ARMH3: variants seen among roughly 807,000 people sequenced by gnomAD.
ARMH3 encodes armadillo-like helical domain-containing protein 3.
Under a neutral mutation model 99.1 loss-of-function variants are expected in ARMH3, and 60 were observed. That is an observed-to-expected ratio of 0.61 (90% CI 0.49 to 0.75). The LOEUF (loss-of-function observed/expected upper bound fraction) is 0.75. ARMH3 is among the 30% of genes least tolerant of loss of function. The pLI, the probability that ARMH3 is intolerant of heterozygous loss-of-function variation, is 0.00. For synonymous variants in ARMH3, 285 were observed against 292.8 expected (o/e 0.97, Z 0.27); for missense variants, 679 against 843.1 (o/e 0.81, Z 2.41).
intron 22 of ARMH3, among the ~76,000 whole-genome samples, chr10:101,951,630 G>A (rs1031223670): frequency 6.6e-6 from 1 of 152,084 alleles, no homozygotes; most frequent in Non-Finnish European, 1.5e-5. Context: ...ACTTTGGGAG[G>A]CTGAGGAGGG....
chr10:102,045,839 A>C (rs1438081493), intron 1 of ARMH3, among the ~76,000 whole-genome samples: 1 of 152,190 alleles, frequency 6.6e-6, no homozygotes, highest in African/African-American at 2.4e-5. Flanking sequence ...TCACACCTGT[A>C]ATCCCAGCAC....
At chr10:101,898,200 A>T (rs9325504) in intron 23 of ARMH3, among the ~76,000 whole-genome samples, 107,586 of 150,444 alleles carry the variant, frequency 0.72, 39,798 homozygotes, top group African/African-American at 0.92. Flanking sequence ...TTTTTTTTTT[A>T]AAATTAGCTG....
intron 4 of ARMH3, among the ~76,000 whole-genome samples, chr10:102,031,947 C>T (rs1186175142): frequency 1.3e-5 from 2 of 152,114 alleles, no homozygotes; most frequent in African/African-American, 4.8e-5. Context: ...CCCCTGTTAG[C>T]CAGGATGGTC....
chr10:102,016,593 T>C (rs906751293), intron 8 of ARMH3, among the ~76,000 whole-genome samples: 3 of 152,228 alleles, frequency 2.0e-5, no homozygotes, highest in African/African-American at 7.2e-5. Context: ...CTGAGAAATG[T>C]CATGCTCTAG....
At chr10:101,925,443 A>G (rs1322653516) in intron 23 of ARMH3, among the ~76,000 whole-genome samples, 1 of 152,248 alleles carries the variant, frequency 6.6e-6, no homozygotes, top group Non-Finnish European at 1.5e-5. Context: ...GCATATGAAG[A>G]ATAGCTGAGA....
intron 23 of ARMH3, among the ~76,000 whole-genome samples, chr10:101,932,635 A>G (rs757098975): frequency 6.6e-5 from 10 of 152,252 alleles, no homozygotes; most frequent in Non-Finnish European, 1.0e-4. Context: ...TGAGAATATT[A>G]TATTAGGCAA....
chr10:101,908,073 C>T (rs1263932920), intron 23 of ARMH3, among the ~76,000 whole-genome samples: 2 of 151,872 alleles, frequency 1.3e-5, no homozygotes, highest in Non-Finnish European at 2.9e-5. Flanking sequence ...ATGGCCAGTG[C>T]AACTAAAGAA....
chr10:102,023,237 A>C (rs1251652043), intron 8 of ARMH3, among the ~76,000 whole-genome samples: 1 of 152,078 alleles, frequency 6.6e-6, no homozygotes, highest in Non-Finnish European at 1.5e-5. Context: ...CTGGTATGGG[A>C]ATCACTACAT....
Position 101,849,605 on chromosome 10 carries a change from G to A in ARMH3, c.1977+171C>T, listed in dbSNP as rs140620050. On this transcript the variant is annotated intron_variant, in intron 25 of 25. Coordinates refer to ENST00000370033, the MANE Select transcript of ARMH3 (RefSeq NM_024541.3). ...AAGGAGAAGTAGGCAATACTACCTC[G>A]AATAGCATCTTCTCTTACTGCCTGG... is the stretch of plus-strand genomic sequence containing the variant. Among the ~76,000 whole-genome samples the A allele has an allele frequency of 9.2e-5, 14 of 152,270 alleles. No individual in the cohort carries two copies. In the East Asian group the frequency reaches 1.2e-3, roughly 13 times the overall value.
chr10:101,947,411 G>C (rs941041235), intron 22 of ARMH3, among the ~76,000 whole-genome samples: 1 of 151,670 alleles, frequency 6.6e-6, no homozygotes, highest in Admixed American at 6.6e-5. Context: ...GAGGCAGGAG[G>C]ATCACTTGAG....
chr10:102,000,233 G>C (rs945788881), intron 15 of ARMH3, among the ~76,000 whole-genome samples: 1 of 152,056 alleles, frequency 6.6e-6, no homozygotes, highest in Non-Finnish European at 1.5e-5. Flanking sequence ...CTGTATACTA[G>C]AATTTTTTCA....
intron 22 of ARMH3, among the ~76,000 whole-genome samples, chr10:101,956,039 CCCTATT>C (rs1845021577): frequency 6.6e-6 from 1 of 152,002 alleles, no homozygotes; most frequent in Admixed American, 6.6e-5. Flanking sequence ...TTAACTAGGC[CCCTATT>C]CCAAACTTAT....
chr10:102,012,798 T>C (rs1265975655), intron 10 of ARMH3, 35 bp downstream of exon 10: 6 of 1,580,490 alleles, frequency 3.8e-6, no homozygotes, highest in Non-Finnish European at 5.2e-6. Flanking sequence ...CAAATGAAAA[T>C]CAGACCCCCT....
intron 24 of ARMH3, among the ~76,000 whole-genome samples, chr10:101,868,268 C>G (rs2067051732): frequency 6.6e-6 from 1 of 152,178 alleles, no homozygotes. Flanking sequence ...AGCCAAGAAA[C>G]AAATTGACAT....
Position 101,956,737 on chromosome 10 carries a change from A to G in ARMH3, c.1579-14T>C, listed in dbSNP as rs752710792. ...TAGGTTCACAATCTAAAAAAGAAGG[A>G]AAGGCCCATATATAGGCATCAGGCT... On this transcript the variant is annotated splice_polypyrimidine_tract_variant and intron_variant, in intron 21 of 25. Coordinates refer to ENST00000370033, the MANE Select transcript of ARMH3 (RefSeq NM_024541.3). 2 of 1,611,962 alleles carry G rather than the reference A, an allele frequency of 1.2e-6. No homozygotes were observed. Among genetic ancestry groups the G allele is most frequent in the Non-Finnish European group, 1.7e-6 (2 of 1,178,546 alleles).
chr10:102,009,960 G>GA lies in ARMH3; in HGVS notation c.878+16dup. ...CACTAAAGTCCAAGTCACTGCACAA[G>GA]AATGTCAGGCACTTACTGTACTGAG... On this transcript the variant is annotated intron_variant, in intron 12 of 25. Transcript: ENST00000370033. The GA allele has an allele frequency of 6.2e-7, 1 of 1,611,758 alleles. No individual in the cohort carries two copies. The highest frequency in any genetic ancestry group is 1.1e-5 in the South Asian group (1 of 90,934).
intron 23 of ARMH3, among the ~76,000 whole-genome samples, chr10:101,896,849 A>T (rs544260188): frequency 2.5e-4 from 38 of 152,320 alleles, no homozygotes; most frequent in African/African-American, 3.8e-4. Context: ...GGCAGAGATG[A>T]CGAGTGAGAC....
intron 23 of ARMH3, among the ~76,000 whole-genome samples, chr10:101,898,688 G>GCA (rs149304468): frequency 3.0e-4 from 46 of 151,472 alleles, no homozygotes; most frequent in South Asian, 8.3e-4. Context: ...GCGCACACGC[G>GCA]CACACACACA....
rs374609403 is a variant in ARMH3 at position 102,001,380 on chromosome 10, C to T, written c.1150+591G>A. On this transcript the variant is annotated intron_variant, in intron 15 of 25. Transcript: ENST00000370033. ...CTAGGACAACTACTCCACTACTCTA[C>T]CACCAAGTAAAAGGCCATGGCAAAA... 3.9e-4 allele frequency among the ~76,000 whole-genome samples: 60 copies of T among 152,242 alleles called. 2 individuals are homozygous for T. Among genetic ancestry groups the T allele is most frequent in the African/African-American group, 1.4e-3 (59 of 41,524 alleles).
Sources: gnomAD v4.1 joint callset for allele counts (sites outside exome capture counted in the v4.1 genomes callset) on GRCh38, gnomAD v4.1.1 for gene constraint, MANE v1.5 for transcripts, NCBI Gene and HGNC (gene_info 2026-07-23, HGNC 2026-07-21) for gene names.